Variants in PCDHGC3 observed in about 807,000 individuals in gnomAD.
The protein encoded by PCDHGC3 is protocadherin gamma subfamily C, 3, also known as protocadherin gamma-C3.
PCDHGC3 carries 26 observed loss-of-function variants against 59.2 expected under a neutral mutation model. That is an observed-to-expected ratio of 0.44 (90% CI 0.32 to 0.61). The LOEUF (loss-of-function observed/expected upper bound fraction) is 0.61. PCDHGC3 is among the 20% of genes least tolerant of loss of function. The pLI, the probability that PCDHGC3 is intolerant of heterozygous loss-of-function variation, is 0.05. For synonymous variants in PCDHGC3, 487 were observed against 519.7 expected, an observed-to-expected ratio of 0.94 and a Z score of 0.86; for missense variants, 1,080 against 1,221.8, an observed-to-expected ratio of 0.88 and a Z score of 1.73.
intron 1 of PCDHGC3, among the ~76,000 whole-genome samples, chr5:141,492,869 A>G (rs975868829): frequency 6.6e-6 from 1 of 152,010 alleles, no homozygotes; most frequent in African/African-American, 2.4e-5. Context: ...CTGGCTCTCA[A>G]CCCCCAGAGA....
Position 141,476,570 on chromosome 5 carries a change from A to G in PCDHGC3, c.454A>G (p.Thr152Ala). Reference protein sequence around the residue: ...LEISEAVAPGTRFPLESAHDP... With the variant: ...LEISEAVAPGARFPLESAHDP... ...GATTAGCGAGGCCGTGGCTCCGGGG[A>G]CGCGCTTTCCGCTCGAGAGCGCGCA... Residue 152 changes from threonine (T) to alanine (A), a missense_variant, in exon 1 of 4, where the codon ACG becomes GCG. By Grantham distance (58) the Thr-to-Ala change is moderately conservative. Transcript: ENST00000308177. The surrounding 1 kb of genome is among the most constrained non-coding windows in gnomAD (Gnocchi z 7.6). 3 of 1,614,114 alleles carry G rather than the reference A, an allele frequency of 1.9e-6. No individual in the cohort carries two copies. The highest frequency in any genetic ancestry group is 2.5e-6 in the Non-Finnish European group (3 of 1,180,012).
At chr5:141,497,212 G>T (rs968445663) in intron 2 of PCDHGC3, among the ~76,000 whole-genome samples, 3 of 150,900 alleles carry the variant, frequency 2.0e-5, no homozygotes, top group Non-Finnish European at 3.0e-5. Context: ...AGTGTAATGG[G>T]GGGGGGAAGA....
chr5:141,492,395 C>G (rs2099740183), intron 1 of PCDHGC3, among the ~76,000 whole-genome samples: 1 of 152,242 alleles, frequency 6.6e-6, no homozygotes, highest in African/African-American at 2.4e-5. Flanking sequence ...GGTCCACTCG[C>G]AGCTCCCCTC....
At chr5:141,498,967 GGGAGGGAA>G (rs1395523211) in intron 2 of PCDHGC3, among the ~76,000 whole-genome samples, 34 of 129,670 alleles carry the variant, frequency 2.6e-4, no homozygotes, top group Admixed American at 1.5e-3. Flanking sequence ...GAGGGAGGGA[GGGAGGGAA>G]GGAAGGAAGG....
At chr5:141,506,444 C>CAAA (rs1219684339) in intron 3 of PCDHGC3, among the ~76,000 whole-genome samples, 2 of 95,018 alleles carry the variant, frequency 2.1e-5, no homozygotes, top group African/African-American at 7.9e-5. Context: ...CGCTCTGTCT[C>CAAA]AAAAAAAAAA....
At chr5:141,501,116 C>T (rs1325487254) in intron 2 of PCDHGC3, among the ~76,000 whole-genome samples, 1 of 152,154 alleles carries the variant, frequency 6.6e-6, no homozygotes, top group Non-Finnish European at 1.5e-5. Flanking sequence ...ATCCGCCTGC[C>T]TCAGCCTCCC....
chr5:141,478,095 C>T lies in PCDHGC3; in HGVS notation c.1979C>T (p.Ala660Val). 3.1e-6 allele frequency: 5 copies of T among 1,614,100 alleles called. No homozygotes were observed. The highest frequency in any genetic ancestry group is 4.2e-6 in the Non-Finnish European group (5 of 1,180,014). ...DNGEPSLSTT[A>V]TLTVSVTEDS... ...GGGGAGCCTTCGCTCTCCACCACTG[C>T]TACCCTCACTGTGTCAGTAACCGAG... The change falls in exon 1 of 4, where the codon GCT becomes GTT. Residue 660 changes from alanine (A) to valine (V), a missense_variant. Ala to Val is a moderately conservative substitution (Grantham distance 64). Coordinates refer to ENST00000308177, the MANE Select transcript of PCDHGC3 (RefSeq NM_002588.4).
intron 3 of PCDHGC3, 61 bp downstream of exon 3, chr5:141,505,542 A>G (rs2099846540): frequency 6.2e-7 from 1 of 1,604,832 alleles, no homozygotes; most frequent in African/African-American, 1.3e-5. Context: ...GGTGCATCTC[A>G]CAGCCACCAT....
chr5:141,481,658 T>C (rs910422064), intron 1 of PCDHGC3, among the ~76,000 whole-genome samples: 2 of 150,554 alleles, frequency 1.3e-5, no homozygotes, highest in East Asian at 2.0e-4. Context: ...TCTCTACTAA[T>C]AATACAAAAA....
Position 141,476,340 on chromosome 5 carries a change from G to A in PCDHGC3, c.224G>A (p.Arg75Lys), listed in dbSNP as rs760616287. The A allele has an allele frequency of 2.2e-5, 36 of 1,614,068 alleles. No homozygotes were observed. In the Admixed American group the frequency reaches 2.5e-4, roughly 11 times the overall value. Residue 75 changes from arginine to lysine, a missense_variant, in exon 1 of 4, where the codon AGA (arginine) becomes AAA (lysine). Physicochemically the swap from Arg to Lys is conservative, Grantham distance 26 (BLOSUM62 2). Transcript: ENST00000308177. The surrounding 1 kb of genome is among the most constrained non-coding windows in gnomAD (Gnocchi z 7.6). ...RFRVVSGASR[R>K]FFEVNRETGE... The stretch of plus-strand genomic sequence containing the variant: ...CGGGTGGTGTCTGGAGCTAGCCGAA[G>A]ATTCTTTGAGGTGAACCGGGAGACC...
In PCDHGC3 at chr5:141,478,378, G is replaced by C; in HGVS notation, c.2262G>C (p.Pro754=). The change falls in exon 1 of 4, where the codon CCG becomes CCC. Residue 754 remains proline, a synonymous_variant. Transcript: ENST00000308177. The part of the protein sequence containing the change: ...ADAVRGGLMS[P]HLYHQVYLTT... ...CCGTGCGGGGAGGCCTGATGTCGCC[G>C]CACCTTTACCATCAGGTGTATCTCA... The C allele has an allele frequency of 6.2e-7, 1 of 1,613,558 alleles. No individual in the cohort carries two copies. The highest frequency in any genetic ancestry group is 8.5e-7 in the Non-Finnish European group (1 of 1,180,022).
intron 1 of PCDHGC3, among the ~76,000 whole-genome samples, chr5:141,488,348 C>G (rs1231687770): frequency 3.2e-4 from 49 of 152,106 alleles, no homozygotes; most frequent in Admixed American, 3.2e-3. Context: ...TAGAAACAGC[C>G]ACCCTGTGCA....
rs764742899 is a variant in PCDHGC3, at chr5:141,487,062, C to T, written c.2431-7745C>T. On this transcript the variant is annotated intron_variant, in intron 1 of 3. Transcript: ENST00000308177. This position sits in a 1 kb window ranked among gnomAD's most constrained non-coding sequence, Gnocchi z 5.0. Reference sequence around the variant, plus strand: ...TCTCGATATGCTGGGGAGGTGCGGACGGCTGTTCCTATCCCAGCTGACCTC... The same window carrying T: ...TCTCGATATGCTGGGGAGGTGCGGATGGCTGTTCCTATCCCAGCTGACCTC... 2.8e-5 allele frequency: 45 copies of T among 1,613,980 alleles called. No homozygotes were observed. Among genetic ancestry groups the T allele is most frequent in the East Asian group, 1.3e-4 (6 of 44,874 alleles).
chr5:141,480,137 A>G (rs1183663599), intron 1 of PCDHGC3, among the ~76,000 whole-genome samples: 2 of 152,096 alleles, frequency 1.3e-5, no homozygotes, highest in Non-Finnish European at 2.9e-5. Context: ...CTGTTAAACA[A>G]TTATTAGCCA....
rs1048758308 is a variant in PCDHGC3 at position 141,498,931 on chromosome 5, A to T, written c.2489+4066A>T. Among the ~76,000 whole-genome samples the T allele has an allele frequency of 6.2e-4, 88 of 141,764 alleles. 1 individual carries two copies. Among genetic ancestry groups the T allele is most frequent in the Non-Finnish European group, 1.1e-3 (70 of 64,686 alleles). 93.0% of individuals were successfully genotyped at this position (141,764 alleles called of 152,430 possible). On this transcript the variant is annotated intron_variant, in intron 2 of 3. Coordinates refer to ENST00000308177, the MANE Select transcript of PCDHGC3 (RefSeq NM_002588.4). ...CTGGGTGACAGAGCGAGACTCCATC[A>T]GGAAAGAAAGAAAGAAAAAGAGAGA... is the stretch of plus-strand genomic sequence containing the variant.
At chr5:141,482,343 A>G (rs1016179369) in intron 1 of PCDHGC3, among the ~76,000 whole-genome samples, 3 of 152,126 alleles carry the variant, frequency 2.0e-5, no homozygotes, top group Non-Finnish European at 2.9e-5. Flanking sequence ...TACTTTGCAA[A>G]CTTGTTGTGA....
chr5:141,484,266 T>G (rs2099593967), intron 1 of PCDHGC3, among the ~76,000 whole-genome samples: 1 of 152,220 alleles, frequency 6.6e-6, no homozygotes, highest in Non-Finnish European at 1.5e-5. Flanking sequence ...ACACTGATTC[T>G]TTACTGTTTT....
Position 141,486,032 on chromosome 5 carries a change from G to C in PCDHGC3, c.2430+7486G>C, listed in dbSNP as rs560909128. The C allele has an allele frequency of 1.2e-6, 2 of 1,614,166 alleles. No individual in the cohort carries two copies. Among genetic ancestry groups the C allele is most frequent in the African/African-American group, 2.7e-5 (2 of 75,034 alleles). On this transcript the variant is annotated intron_variant, in intron 1 of 3. Transcript: ENST00000308177. This position sits in a 1 kb window ranked among gnomAD's most constrained non-coding sequence, Gnocchi z 5.0. ...CTTTTATTTCAGTGGTCATACCCCT[G>C]ATCGTGTAAGAAACCTCTTTAGCCT... is the stretch of plus-strand genomic sequence containing the variant.
Position 141,491,900 on chromosome 5 carries a change from G to C in PCDHGC3, c.2431-2907G>C. ...TAAGGGATGGGGCTCCGAGCACCGG[G>C]GGTGGTGGCGACTGTGGGCGAGGGG... On this transcript the variant is annotated intron_variant, in intron 1 of 3. Transcript: ENST00000308177. This position sits in a 1 kb window ranked among gnomAD's most constrained non-coding sequence, Gnocchi z 6.9. 1 of 1,429,936 alleles carries C rather than the reference G, an allele frequency of 7.0e-7. No homozygotes were observed. Among genetic ancestry groups the C allele is most frequent in the South Asian group, 1.5e-5 (1 of 67,072 alleles). 88.6% of individuals were successfully genotyped at this position (1,429,936 alleles called of 1,614,324 possible). A position where few individuals can be genotyped will look rare whatever the true frequency, so the allele number is the denominator to read the frequency against.
Sources: allele counts gnomAD v4.1 joint callset (sites outside exome capture counted in the v4.1 genomes callset), GRCh38; gene constraint gnomAD v4.1.1; non-coding constraint Gnocchi (gnomAD v3.1); transcripts MANE v1.5; gene names NCBI Gene and HGNC (gene_info 2026-07-23, HGNC 2026-07-21).